The following DAP variants were observed in gnomAD, a reference collection of about 807,000 sequenced individuals.
DAP encodes death-associated protein 1.
A neutral mutation model predicts 13.8 loss-of-function variants in DAP; 8 were observed. That is an observed-to-expected ratio of 0.58 (90% CI 0.34 to 1.05). The LOEUF (loss-of-function observed/expected upper bound fraction) is 1.05, where lower values mean the gene tolerates loss of function less well. Ranked by LOEUF, DAP falls within the 50% of genes least tolerant of loss-of-function variation. The pLI is 0.03. For missense variants in DAP, 106 were observed against 133.2 expected, an observed-to-expected ratio of 0.80 and a Z score of 1.01; for synonymous variants, 47 against 47.5, an observed-to-expected ratio of 0.99 and a Z score of 0.04.
chr5:10,744,547 T>A (rs1268581769), intron 2 of DAP, among the ~76,000 whole-genome samples: 1 of 152,096 alleles, frequency 6.6e-6, no homozygotes, highest in Non-Finnish European at 1.5e-5. Context: ...AATCAGTAAG[T>A]TTCATTTACA....
intron 1 of DAP, among the ~76,000 whole-genome samples, chr5:10,759,780 T>C (rs1038214638): frequency 1.5e-5 from 2 of 131,550 alleles, no homozygotes; most frequent in Middle Eastern, 4.3e-3. Context: ...AGATGGAGTC[T>C]CGCTCGCTTT....
chr5:10,720,392 G>A (rs1401923091), intron 2 of DAP, among the ~76,000 whole-genome samples: 3 of 152,108 alleles, frequency 2.0e-5, no homozygotes, highest in Non-Finnish European at 4.4e-5. Context: ...AAGAAATTTG[G>A]GGAAGAGGTA....
chr5:10,731,919 G>A (rs1296004593), intron 2 of DAP, among the ~76,000 whole-genome samples: 1 of 152,224 alleles, frequency 6.6e-6, no homozygotes, highest in Non-Finnish European at 1.5e-5. Context: ...AAAAGCCCCA[G>A]GCACCCACCT....
intron 2 of DAP, chr5:10,734,258 G>C (rs539328099): frequency 1.3e-5 from 2 of 150,986 alleles, no homozygotes; most frequent in African/African-American, 4.9e-5. Context: ...ATCTTAGAAG[G>C]AGGCTGGGAC....
chr5:10,709,714 C>T (rs1045540710), intron 2 of DAP, among the ~76,000 whole-genome samples: 5 of 152,202 alleles, frequency 3.3e-5, no homozygotes, highest in African/African-American at 1.2e-4. Context: ...AGGCTTGGAA[C>T]TCTGCTGCAC....
intron 2 of DAP, among the ~76,000 whole-genome samples, chr5:10,696,761 CT>C (rs1414051946): frequency 6.6e-6 from 1 of 152,170 alleles, no homozygotes; most frequent in African/African-American, 2.4e-5. Context: ...TTCAGAGTTT[CT>C]CAGGGCTTCT....
chr5:10,688,118 G>A (rs1053441284), intron 2 of DAP, among the ~76,000 whole-genome samples: 5 of 151,968 alleles, frequency 3.3e-5, no homozygotes, highest in African/African-American at 1.2e-4. Flanking sequence ...GTTTTGTCAC[G>A]TTTGCCAGGC....
intron 2 of DAP, among the ~76,000 whole-genome samples, chr5:10,691,387 C>T (rs5745262): frequency 0.089 from 13,527 of 152,180 alleles, 828 homozygotes; most frequent in African/African-American, 0.17. Flanking sequence ...TTATTTATGA[C>T]GTTTATAAAG....
chr5:10,760,783 C>G (rs1022773397), intron 1 of DAP, among the ~76,000 whole-genome samples: 9 of 152,222 alleles, frequency 5.9e-5, no homozygotes, highest in Admixed American at 2.0e-4. Context: ...CCGCGGTCCT[C>G]AGGAAGAAAC....
intron 2 of DAP, among the ~76,000 whole-genome samples, chr5:10,697,560 T>C (rs529958002): frequency 3.9e-5 from 6 of 152,168 alleles, no homozygotes; most frequent in Admixed American, 2.6e-4. Context: ...AAATGCAATC[T>C]TCAGGCTCAA....
At chr5:10,691,542 A>T (rs1738306619) in intron 2 of DAP, among the ~76,000 whole-genome samples, 1 of 152,234 alleles carries the variant, frequency 6.6e-6, no homozygotes, top group East Asian at 1.9e-4. Context: ...GCAAAGTATA[A>T]CCTACATTTC....
At chr5:10,694,780 G>C (rs372505560) in intron 2 of DAP, among the ~76,000 whole-genome samples, 1 of 152,134 alleles carries the variant, frequency 6.6e-6, no homozygotes, top group Non-Finnish European at 1.5e-5. Context: ...ACTGATGAAG[G>C]GGGTGACATA....
chr5:10,758,581 G>C (rs1181294258), intron 1 of DAP, among the ~76,000 whole-genome samples: 2 of 152,162 alleles, frequency 1.3e-5, no homozygotes, highest in East Asian at 3.8e-4. Context: ...TTTACCTGGG[G>C]GATGAACAGT....
chr5:10,689,630 G>C (rs917926013), intron 2 of DAP, among the ~76,000 whole-genome samples: 1 of 152,248 alleles, frequency 6.6e-6, no homozygotes, highest in Admixed American at 6.5e-5. Flanking sequence ...GCCAACCACT[G>C]GGTGGCGAGG....
intron 2 of DAP, among the ~76,000 whole-genome samples, chr5:10,721,223 G>A (rs1739130919): frequency 6.6e-6 from 1 of 152,144 alleles, no homozygotes; most frequent in African/African-American, 2.4e-5. Flanking sequence ...CACGGGTCCA[G>A]GAACTAAGAG....
chr5:10,732,545 C>T (rs1222056198), intron 2 of DAP, among the ~76,000 whole-genome samples: 1 of 152,194 alleles, frequency 6.6e-6, no homozygotes, highest in Non-Finnish European at 1.5e-5. Flanking sequence ...GTATGACTTA[C>T]CATGTTTTGT....
At chr5:10,741,081 T>C (rs2964787) in intron 2 of DAP, among the ~76,000 whole-genome samples, 53,469 of 152,124 alleles carry the variant, frequency 0.35, 10,194 homozygotes, top group African/African-American at 0.5. Flanking sequence ...CTGGGTGTGG[T>C]GGTTCACGCC....
At chr5:10,683,655 A>C (rs1738087899) in intron 2 of DAP, 84 bp from the exon 3 acceptor site, 2 of 1,359,066 alleles carry the variant, frequency 1.5e-6, no homozygotes, top group Non-Finnish European at 2.1e-6. Context: ...TATGTGGATG[A>C]GCCAGGCTGG....
At chr5:10,743,212 A>C (rs1205793585) in intron 2 of DAP, among the ~76,000 whole-genome samples, 1 of 152,210 alleles carries the variant, frequency 6.6e-6, no homozygotes, top group Non-Finnish European at 1.5e-5. Flanking sequence ...TATAGTATCC[A>C]CTTAAAAATG....
Sources: allele counts gnomAD v4.1 joint callset (sites outside exome capture counted in the v4.1 genomes callset), GRCh38; gene constraint gnomAD v4.1.1; transcripts MANE v1.5; gene names NCBI Gene and HGNC (gene_info 2026-07-23, HGNC 2026-07-21).